Variants in FUT9 observed in about 807,000 individuals in gnomAD.
FUT9 encodes fucosyltransferase 9.
FUT9 carries 15 observed loss-of-function variants against 29.7 expected under a neutral mutation model. The observed-to-expected ratio is 0.51, with a 90% CI of 0.34 to 0.78. FUT9 has a LOEUF of 0.78. Among genes scored for constraint, FUT9 ranks in the 30% least tolerant of loss-of-function variants. The pLI is 0.01. For synonymous variants in FUT9, 169 were observed against 153.7 expected, an observed-to-expected ratio of 1.10 and a Z score of -0.74; for missense variants, 319 against 425.4, an observed-to-expected ratio of 0.75 and a Z score of 2.20.
At chr6:96,123,835 T>A (rs1052849127) in intron 2 of FUT9, among the ~76,000 whole-genome samples, 2 of 151,926 alleles carry the variant, frequency 1.3e-5, no homozygotes, top group South Asian at 4.1e-4. Context: ...GAGGAAATGA[T>A]GGAAAATGCC....
At chr6:96,122,100 C>T (rs913307006) in intron 2 of FUT9, among the ~76,000 whole-genome samples, 1 of 152,076 alleles carries the variant, frequency 6.6e-6, no homozygotes, top group African/African-American at 2.4e-5. Flanking sequence ...TATGATATAA[C>T]AGCTCTCCAT....
chr6:96,065,374 T>C (rs1017942209), intron 1 of FUT9, among the ~76,000 whole-genome samples: 1 of 152,150 alleles, frequency 6.6e-6, no homozygotes, highest in East Asian at 1.9e-4. Context: ...TTGCATGCTC[T>C]GAGAAGCCTC....
intron 1 of FUT9, among the ~76,000 whole-genome samples, chr6:96,063,301 G>C (rs1770907584): frequency 6.6e-6 from 1 of 152,144 alleles, no homozygotes; most frequent in Non-Finnish European, 1.5e-5. Flanking sequence ...TGTTTTACAG[G>C]AAGTATGGTG....
intron 1 of FUT9, among the ~76,000 whole-genome samples, chr6:96,090,699 A>C (rs183098119): frequency 2.4e-4 from 37 of 152,140 alleles, no homozygotes; most frequent in Admixed American, 2.0e-3. Context: ...GATCAACTTT[A>C]AATCACAGAG....
intron 2 of FUT9, among the ~76,000 whole-genome samples, chr6:96,177,499 T>C (rs1157820488): frequency 6.6e-6 from 1 of 152,126 alleles, no homozygotes; most frequent in Non-Finnish European, 1.5e-5. Context: ...CCACCTGCTA[T>C]ATAAAAAAAC....
At chr6:96,019,722 T>G (rs1727967759) in intron 1 of FUT9, among the ~76,000 whole-genome samples, 1 of 152,076 alleles carries the variant, frequency 6.6e-6, no homozygotes, top group Admixed American at 6.6e-5. Flanking sequence ...TGTGTAAAAT[T>G]CAATTTTATT....
chr6:96,112,337 A>G (rs1771825067), intron 1 of FUT9, among the ~76,000 whole-genome samples: 2 of 152,198 alleles, frequency 1.3e-5, no homozygotes, highest in East Asian at 3.9e-4. Flanking sequence ...AATATAGACA[A>G]ATTTCTTCAT....
chr6:96,085,747 T>C (rs937246185), intron 1 of FUT9, among the ~76,000 whole-genome samples: 8 of 152,132 alleles, frequency 5.3e-5, no homozygotes, highest in Non-Finnish European at 8.8e-5. Flanking sequence ...CCTGGAAATA[T>C]AGAGTTTTTC....
rs955833886 is a variant in FUT9, at chr6:96,086,146, C to G, written c.-97-27893C>G. Among the ~76,000 whole-genome samples the G allele has an allele frequency of 6.6e-5, 10 of 152,288 alleles. No homozygotes were observed. The East Asian group carries it at 1.9e-3, about 29-fold the overall frequency. On this transcript the variant is annotated intron_variant, in intron 1 of 2. Coordinates refer to ENST00000302103, the MANE Select transcript of FUT9 (RefSeq NM_006581.4). ...CTGAATCACAGGCTGCACATATTCACGTTAACACTAACCAGACTTTTCTCC... is the reference window on the plus strand; with the variant it reads ...CTGAATCACAGGCTGCACATATTCAGGTTAACACTAACCAGACTTTTCTCC...
At chr6:96,128,417 C>T (rs1772171999) in intron 2 of FUT9, among the ~76,000 whole-genome samples, 1 of 152,048 alleles carries the variant, frequency 6.6e-6, no homozygotes, top group Admixed American at 6.5e-5. Flanking sequence ...CTGACAAATG[C>T]AATTTTGTGG....
chr6:96,080,244 A>T (rs921933312), intron 1 of FUT9, among the ~76,000 whole-genome samples: 2 of 151,790 alleles, frequency 1.3e-5, no homozygotes, highest in African/African-American at 4.8e-5. Flanking sequence ...AGAAAGAATG[A>T]CATAATAATT....
intron 1 of FUT9, among the ~76,000 whole-genome samples, chr6:96,031,224 C>A (rs1268262405): frequency 6.6e-6 from 1 of 151,440 alleles, no homozygotes; most frequent in Non-Finnish European, 1.5e-5. Context: ...GCAATTTGAA[C>A]ATTTGAGTGT....
intron 2 of FUT9, among the ~76,000 whole-genome samples, chr6:96,136,236 A>C (rs1305556703): frequency 6.6e-6 from 1 of 151,904 alleles, no homozygotes; most frequent in African/African-American, 2.4e-5. Flanking sequence ...AAGAGTAATT[A>C]GAAAGTCATT....
intron 2 of FUT9, among the ~76,000 whole-genome samples, chr6:96,184,046 G>A (rs1165162763): frequency 6.6e-6 from 1 of 152,192 alleles, no homozygotes; most frequent in South Asian, 2.1e-4. Context: ...ATGTCTGGTA[G>A]ATTTCAGCTG....
chr6:96,149,423 T>C (rs922461135), intron 2 of FUT9, among the ~76,000 whole-genome samples: 4 of 152,138 alleles, frequency 2.6e-5, no homozygotes, highest in Admixed American at 6.5e-5. Flanking sequence ...CATTCCTCCA[T>C]CCCTTTTAGC....
chr6:96,190,135 A>T (rs374088633), intron 2 of FUT9, among the ~76,000 whole-genome samples: 3 of 151,990 alleles, frequency 2.0e-5, no homozygotes, highest in African/African-American at 7.2e-5. Flanking sequence ...TTGCTTGTCT[A>T]TAAAGGATTT....
chr6:96,060,581 G>A (rs1770857027), intron 1 of FUT9, among the ~76,000 whole-genome samples: 1 of 150,252 alleles, frequency 6.7e-6, no homozygotes, highest in Non-Finnish European at 1.5e-5. Context: ...CTGTCACCCA[G>A]GCTGGAGCAC....
At chr6:96,044,234 G>A (rs563844673) in intron 1 of FUT9, among the ~76,000 whole-genome samples, 1 of 152,284 alleles carries the variant, frequency 6.6e-6, no homozygotes, top group East Asian at 1.9e-4. Context: ...TAAATTGAAA[G>A]AGTGATTCCT....
intron 2 of FUT9, among the ~76,000 whole-genome samples, chr6:96,163,818 C>G (rs117507118): frequency 0.024 from 3,610 of 152,202 alleles, 63 homozygotes; most frequent in Non-Finnish European, 0.035. Flanking sequence ...GCCACTGTGC[C>G]CAGCTAAGCA....
Sources: gnomAD v4.1 joint callset for allele counts (sites outside exome capture counted in the v4.1 genomes callset) on GRCh38, gnomAD v4.1.1 for gene constraint, MANE v1.5 for transcripts, NCBI Gene and HGNC (gene_info 2026-07-23, HGNC 2026-07-21) for gene names.